Variants in HMGA1 observed in about 807,000 individuals in gnomAD.
HMGA1 encodes the protein high mobility group AT-hook 1, also known as high mobility group protein HMG-I/HMG-Y.
Under a neutral mutation model 15.1 loss-of-function variants are expected in HMGA1, and 1 was observed. That is an observed-to-expected ratio of 0.07 (90% confidence interval 0.02 to 0.31). The LOEUF (loss-of-function observed/expected upper bound fraction) is 0.31. Among genes scored for constraint, HMGA1 ranks in the 10% least tolerant of loss-of-function variants. The pLI is 1.00. For missense variants in HMGA1, 94 were observed against 141.4 expected, an observed-to-expected ratio of 0.66 and a Z score of 1.70; for synonymous variants, 56 against 54.8, an observed-to-expected ratio of 1.02 and a Z score of -0.10.
intron 5 of HMGA1, among the ~76,000 whole-genome samples, chr6:34,243,772 C>G (rs1762489324): frequency 6.6e-6 from 1 of 152,142 alleles, no homozygotes. Context: ...GGGGGTCCCT[C>G]CCTCTCCTGC....
intron 2 of HMGA1, 139 bp downstream of exon 2, chr6:34,237,456 CCGGCGGCGGGGGA>C (rs1450339121): frequency 7.0e-6 from 1 of 142,932 alleles, no homozygotes; most frequent in Non-Finnish European, 1.6e-5. Context: ...GCGGCGCGAG[CCGGCGGCGGGGGA>C]GGGCCGCGCG....
intron 2 of HMGA1, among the ~76,000 whole-genome samples, chr6:34,237,764 G>T (rs1165841703): frequency 6.6e-6 from 1 of 151,564 alleles, no homozygotes; most frequent in African/African-American, 2.4e-5. Flanking sequence ...AGAGTGGGGG[G>T]TCGGGCGCCC....
In HMGA1 at chr6:34,245,356, C is replaced by T. The variant is rs145863026; in HGVS notation, c.*472C>T. The T allele has an allele frequency of 9.3e-5, 126 of 1,358,672 alleles. No homozygotes were observed. The highest frequency in any genetic ancestry group is 2.7e-4 in the South Asian group (22 of 80,134). The allele number at this position is 1,358,672 out of a possible 1,614,324, so 84.2% of individuals were successfully genotyped here. The stretch of plus-strand genomic sequence containing the variant: ...GCCCAAGCCCCATCTCATCCTGGCA[C>T]GCCCTACTCCACTGCCCTGGCAGCA... On this transcript the variant is annotated 3_prime_UTR_variant, in exon 6 of 6. Coordinates refer to ENST00000311487, the MANE Select transcript of HMGA1 (RefSeq NM_145899.3).
intron 2 of HMGA1, among the ~76,000 whole-genome samples, chr6:34,237,723 C>T (rs895319476): frequency 6.7e-6 from 1 of 148,492 alleles, no homozygotes; most frequent in Non-Finnish European, 1.5e-5. Context: ...GGGTGAGGGG[C>T]GGGGAGAGAC....
At chr6:34,238,727 G>C (rs528892318) in intron 2 of HMGA1, 1 of 152,202 alleles carries the variant, frequency 6.6e-6, no homozygotes, top group Non-Finnish European at 1.5e-5. Flanking sequence ...ACGTTTCTTG[G>C]CCTCACTGGA....
At chr6:34,240,709 T>A (rs1762233539) in intron 2 of HMGA1, 28 bp from the exon 3 acceptor site, 1 of 1,575,822 alleles carries the variant, frequency 6.3e-7, no homozygotes, top group African/African-American at 1.3e-5. Flanking sequence ...GCGAGATGTT[T>A]GTCTAAAAGC....
chr6:34,242,862 GC>G, intron 4 of HMGA1, 67 bp downstream of exon 4: 1 of 1,231,194 alleles, frequency 8.1e-7, no homozygotes, highest in Non-Finnish European at 1.2e-6. Context: ...TGGCACCATG[GC>G]CACGGCTGTG....
chr6:34,240,605 TG>T, intron 2 of HMGA1, 131 bp from the exon 3 acceptor site: 1 of 746,972 alleles, frequency 1.3e-6, no homozygotes, highest in Non-Finnish European at 2.3e-6. Flanking sequence ...CCCTCCATCC[TG>T]GGCAGAGTAG....
At chr6:34,243,370 C>A in intron 4 of HMGA1, 98 bp from the exon 5 acceptor site, 2 of 940,330 alleles carry the variant, frequency 2.1e-6, no homozygotes, top group Non-Finnish European at 3.4e-6. Flanking sequence ...TTGGGTCACC[C>A]TGAACAGGCA....
At chr6:34,244,703 A>G (rs1334262061) in intron 5 of HMGA1, 128 bp from the exon 6 acceptor site, 1 of 776,444 alleles carries the variant, frequency 1.3e-6, no homozygotes, top group African/African-American at 1.7e-5. Context: ...TGAGTCACCC[A>G]CACACTCAGC....
intron 2 of HMGA1, among the ~76,000 whole-genome samples, chr6:34,237,776 C>T (rs1356795234): frequency 2.6e-5 from 4 of 151,786 alleles, no homozygotes; most frequent in South Asian, 2.1e-4. Flanking sequence ...CGGGCGCCCC[C>T]CGCAGCTCAG....
Position 34,245,634 on chromosome 6 carries a change from T to A in HMGA1, c.*750T>A. 1 of 1,376,868 alleles carries A rather than the reference T, an allele frequency of 7.3e-7. No homozygotes were observed. The highest frequency in any genetic ancestry group is 9.7e-7 in the Non-Finnish European group (1 of 1,032,714). 85.3% of individuals were successfully genotyped at this position (1,376,868 alleles called of 1,614,324 possible). A position where few individuals can be genotyped will look rare whatever the true frequency, so the allele number is the denominator to read the frequency against. On this transcript the variant is annotated 3_prime_UTR_variant, in exon 6 of 6. Coordinates refer to ENST00000311487, the MANE Select transcript of HMGA1 (RefSeq NM_145899.3). The stretch of plus-strand genomic sequence containing the variant: ...GTGGTGATGGAGATGCAGTCACTTA[T>A]TGTCCAGGTGAGGCCCAAGAGCCCT...
intron 4 of HMGA1, 78 bp from the exon 5 acceptor site, chr6:34,243,390 G>A: frequency 8.9e-7 from 1 of 1,125,282 alleles, no homozygotes; most frequent in South Asian, 1.3e-5. Context: ...AGGTAGGTCT[G>A]CCCCCCATCA....
rs1428441962 is a variant in HMGA1 at position 34,237,402 on chromosome 6, C to G, written c.-45+85C>G. On this transcript the variant is annotated intron_variant, in intron 2 of 5. Transcript: ENST00000311487. ...CGCACGTCGCCCCTCCTGCGAGCCG[C>G]CCGGGGCTGCAGCGCGCGCCGCCGG... 4 of 145,092 alleles carry G rather than the reference C, an allele frequency of 2.8e-5. No homozygotes were observed. In the East Asian group the frequency reaches 8.1e-4, roughly 29 times the overall value. 9.0% of individuals were successfully genotyped at this position (145,092 alleles called of 1,614,324 possible).
intron 5 of HMGA1, 32 bp downstream of exon 5, chr6:34,243,550 C>T (rs1249180462): frequency 6.6e-7 from 1 of 1,507,634 alleles, no homozygotes; most frequent in South Asian, 1.2e-5. Context: ...TGCTTGCCTC[C>T]TGGGCTCTTT....
chr6:34,240,472 C>T lies in HMGA1; in HGVS notation c.-44-265C>T, dbSNP rs35383185. On this transcript the variant is annotated intron_variant, in intron 2 of 5. Transcript: ENST00000311487. ...GTACCTCCTGGGACCCCCCCCACCA[C>T]GCTGCACTGGGGCGGTGTTAAGGCA... Among the ~76,000 whole-genome samples the T allele has an allele frequency of 4.6e-3, 707 of 152,266 alleles. 2 individuals are homozygous for T. The highest frequency in any genetic ancestry group is 0.041 in the Middle Eastern group (12 of 294).
At position 34,240,589 on chromosome 6, in the gene HMGA1, G is replaced by A. The variant is rs556494238; in HGVS notation, c.-44-148G>A. Reference sequence around the variant, plus strand: ...CGCCCTTGGCAGCATCTGGGGGTGGGCAGACCCCTCCATCCTGGGCAGAGT... The same window carrying A: ...CGCCCTTGGCAGCATCTGGGGGTGGACAGACCCCTCCATCCTGGGCAGAGT... On this transcript the variant is annotated intron_variant, in intron 2 of 5. Transcript: ENST00000311487. 9.2e-5 allele frequency: 61 copies of A among 666,052 alleles called. No individual in the cohort carries two copies. In the East Asian group the frequency reaches 1.7e-3, roughly 18 times the overall value. 41.3% of individuals were successfully genotyped at this position (666,052 alleles called of 1,614,324 possible).
intron 2 of HMGA1, among the ~76,000 whole-genome samples, chr6:34,237,688 G>GGGGCCC (rs1761904450): frequency 6.8e-6 from 1 of 147,292 alleles, no homozygotes; most frequent in Non-Finnish European, 1.5e-5. Context: ...CGCTGGAGCC[G>GGGGCCC]GAGCCCGAGC....
intron 5 of HMGA1, 140 bp downstream of exon 5, chr6:34,243,658 A>G (rs1762478688): frequency 3.8e-6 from 3 of 780,240 alleles, no homozygotes; most frequent in Non-Finnish European, 6.7e-6. Flanking sequence ...ACAGAAGTCC[A>G]GAGAGGGGAA....
Sources: allele counts gnomAD v4.1 joint callset (sites outside exome capture counted in the v4.1 genomes callset), GRCh38; gene constraint gnomAD v4.1.1; transcripts MANE v1.5; gene names NCBI Gene and HGNC (gene_info 2026-07-23, HGNC 2026-07-21).